Variants in KIRREL3 observed in about 807,000 individuals in gnomAD.
The protein encoded by KIRREL3 is kirre like nephrin family adhesion molecule 3.
Under a neutral mutation model 89.7 loss-of-function variants are expected in KIRREL3, and 36 were observed. The ratio of observed to expected loss-of-function variants is 0.40; its 90% confidence interval spans 0.31 to 0.53. The LOEUF (loss-of-function observed/expected upper bound fraction) is 0.53. Among genes scored for constraint, KIRREL3 ranks in the 20% least tolerant of loss-of-function variants. The probability of loss-of-function intolerance (pLI) is 0.49; values close to 1 mark genes in which losing one functional copy is unlikely to be tolerated. For synonymous variants in KIRREL3, 445 were observed against 441.4 expected (o/e 1.01, Z -0.10); for missense variants, 864 against 1,056.6 (o/e 0.82, Z 2.53).
chr11:126,509,716 C>T (rs1174835253), intron 4 of KIRREL3, among the ~76,000 whole-genome samples: 1 of 152,180 alleles, frequency 6.6e-6, no homozygotes, highest in Non-Finnish European at 1.5e-5. Flanking sequence ...TCAAATTGGG[C>T]CCAGCGTGGT....
chr11:126,787,946 A>G (rs1950529659), intron 1 of KIRREL3, among the ~76,000 whole-genome samples: 2 of 152,174 alleles, frequency 1.3e-5, no homozygotes, highest in Admixed American at 6.5e-5. Flanking sequence ...GCACTCTTCT[A>G]TTGAATCCTC....
In KIRREL3 at chr11:126,891,392, A is replaced by T. The variant is rs1314447408; in HGVS notation, c.55+109063T>A. ...ATTATCAGCAGCTCCACTTAAAAAA[A>T]TCTTCAGCTATTGTAAAGGGCAAGG... On this transcript the variant is annotated intron_variant, in intron 1 of 16. Transcript: ENST00000525144. This position sits in a 1 kb window ranked among gnomAD's most constrained non-coding sequence, Gnocchi z 5.1. 6.6e-6 allele frequency among the ~76,000 whole-genome samples: 1 copy of T among 152,252 alleles called. No individual in the cohort carries two copies. Among genetic ancestry groups the T allele is most frequent in the East Asian group, 1.9e-4 (1 of 5,202 alleles).
chr11:126,913,214 A>G lies in KIRREL3; in HGVS notation c.55+87241T>C, dbSNP rs947183069. On this transcript the variant is annotated intron_variant, in intron 1 of 16. Transcript: ENST00000525144. ...TTGCAGGTGACACAAGGTTTTCCAAATATGGTTGGGGAAGGCAGTCACTCC... is the reference window on the plus strand; with the variant it reads ...TTGCAGGTGACACAAGGTTTTCCAAGTATGGTTGGGGAAGGCAGTCACTCC... Among the ~76,000 whole-genome samples the G allele has an allele frequency of 3.3e-5, 5 of 152,288 alleles. No individual in the cohort carries two copies. The East Asian group carries it at 9.7e-4, about 29-fold the overall frequency.
rs1185506392 is a variant in KIRREL3 at position 126,776,855 on chromosome 11, T to C, written c.56-213943A>G. On this transcript the variant is annotated intron_variant, in intron 1 of 16. Coordinates refer to ENST00000525144, the MANE Select transcript of KIRREL3 (RefSeq NM_032531.4). The surrounding 1 kb of genome is among the most constrained non-coding windows in gnomAD (Gnocchi z 4.7). ...CCAGCCAGCAGTGTCCCAGCTTTCC[T>C]GGCCCTGCCTGGGGTAGTCCAAATG... Among the ~76,000 whole-genome samples, 1 of 152,204 alleles carries C rather than the reference T, an allele frequency of 6.6e-6. No homozygotes were observed. The highest frequency in any genetic ancestry group is 1.5e-5 in the Non-Finnish European group (1 of 68,036).
intron 6 of KIRREL3, among the ~76,000 whole-genome samples, chr11:126,458,455 C>G (rs946969403): frequency 9.7e-6 from 1 of 103,492 alleles, no homozygotes; most frequent in Admixed American, 8.9e-5. Context: ...ACCGAGCCGG[C>G]CTTACTCTGG....
rs1946593754 is a variant in KIRREL3 at position 126,684,510 on chromosome 11, C to A, written c.56-121598G>T. Among the ~76,000 whole-genome samples, 3 of 152,198 alleles carry A rather than the reference C, an allele frequency of 2.0e-5. No homozygotes were observed. The highest frequency in any genetic ancestry group is 2.0e-4 in the Admixed American group (3 of 15,286). On this transcript the variant is annotated intron_variant, in intron 1 of 16. Coordinates refer to ENST00000525144, the MANE Select transcript of KIRREL3 (RefSeq NM_032531.4). The surrounding 1 kb of genome is among the most constrained non-coding windows in gnomAD (Gnocchi z 4.2). ...AGGGAAACCACAGGTGTCCACAATG[C>A]CTGCCATGCTATGATTTCATCTGGC...
chr11:126,912,685 T>G lies in KIRREL3; in HGVS notation c.55+87770A>C, dbSNP rs1946872000. 6.6e-6 allele frequency among the ~76,000 whole-genome samples: 1 copy of G among 152,200 alleles called. No individual in the cohort carries two copies. Among genetic ancestry groups the G allele is most frequent in the African/African-American group, 2.4e-5 (1 of 41,462 alleles). On this transcript the variant is annotated intron_variant, in intron 1 of 16. Transcript: ENST00000525144. This position sits in a 1 kb window ranked among gnomAD's most constrained non-coding sequence, Gnocchi z 4.7. ...GGGCTCCTGCCCCTGCTGTTCATCATGTTTCTGGGGTCTTTGTTTCAAATG... is the reference window on the plus strand; with the variant it reads ...GGGCTCCTGCCCCTGCTGTTCATCAGGTTTCTGGGGTCTTTGTTTCAAATG...
upstream of KIRREL3, among the ~76,000 whole-genome samples, chr11:127,002,750 G>A (rs1445141132): frequency 6.6e-6 from 1 of 152,176 alleles, no homozygotes; most frequent in East Asian, 1.9e-4. Flanking sequence ...CCTTTAAGCT[G>A]TTGTTTAATT....
At chr11:126,632,772 G>GTATGCA (rs1944094036) in intron 1 of KIRREL3, among the ~76,000 whole-genome samples, 2 of 28,820 alleles carry the variant, frequency 6.9e-5, no homozygotes, top group Non-Finnish European at 6.9e-5. Flanking sequence ...CCAATGCCCA[G>GTATGCA]GCACTTGGAG....
chr11:126,857,690 C>A (rs1431435020), intron 1 of KIRREL3, among the ~76,000 whole-genome samples: 2 of 150,800 alleles, frequency 1.3e-5, no homozygotes, highest in South Asian at 2.1e-4. Flanking sequence ...GTCTTCCAGA[C>A]CTCAGAGTCA....
intron 1 of KIRREL3, among the ~76,000 whole-genome samples, chr11:126,599,632 C>G (rs1220605317): frequency 1.3e-5 from 2 of 152,176 alleles, no homozygotes; most frequent in African/African-American, 4.8e-5. Context: ...AGCCAAGATA[C>G]CGGGTATCCC....
At chr11:126,633,091 A>G (rs1944113587) in intron 1 of KIRREL3, among the ~76,000 whole-genome samples, 1 of 152,128 alleles carries the variant, frequency 6.6e-6, no homozygotes, top group Non-Finnish European at 1.5e-5. Flanking sequence ...AAAAAAAATA[A>G]ATAAACTTAA....
At position 126,498,482 on chromosome 11, in the gene KIRREL3, A is replaced by C. The variant is rs1957745751; in HGVS notation, c.433+22833T>G. Among the ~76,000 whole-genome samples the C allele has an allele frequency of 6.6e-6, 1 of 152,202 alleles. No individual in the cohort carries two copies. Among genetic ancestry groups the C allele is most frequent in the Admixed American group, 6.5e-5 (1 of 15,284 alleles). ...TAGGCATCACACTATCCTGTCTGTC[A>C]GGTAAGGGGTGGCAGCGAGAGATAA... is the stretch of plus-strand genomic sequence containing the variant. On this transcript the variant is annotated intron_variant, in intron 4 of 16. Coordinates refer to ENST00000525144, the MANE Select transcript of KIRREL3 (RefSeq NM_032531.4). This position sits in a 1 kb window ranked among gnomAD's most constrained non-coding sequence, Gnocchi z 4.3.
chr11:126,825,106 A>G (rs781434835), intron 1 of KIRREL3, among the ~76,000 whole-genome samples: 9 of 152,124 alleles, frequency 5.9e-5, no homozygotes, highest in East Asian at 1.9e-4. Context: ...GTGATTTCCA[A>G]TGATAAATAT....
At position 126,917,942 on chromosome 11, in the gene KIRREL3, C is replaced by T. The variant is rs1009188476; in HGVS notation, c.55+82513G>A. Among the ~76,000 whole-genome samples, 1 of 152,166 alleles carries T rather than the reference C, an allele frequency of 6.6e-6. No individual in the cohort carries two copies. Among genetic ancestry groups the T allele is most frequent in the Non-Finnish European group, 1.5e-5 (1 of 68,016 alleles). ...ACTTGGTGTGTGATGACACATCTTA[C>T]AGTGATGGAGCAGAATTTAGATGCT... is the stretch of plus-strand genomic sequence containing the variant. On this transcript the variant is annotated intron_variant, in intron 1 of 16. Transcript: ENST00000525144. The surrounding 1 kb of genome is among the most constrained non-coding windows in gnomAD (Gnocchi z 5.0).
chr11:126,520,861 T>C lies in KIRREL3; in HGVS notation c.433+454A>G, dbSNP rs543085780. Among the ~76,000 whole-genome samples the C allele has an allele frequency of 2.0e-5, 3 of 152,126 alleles. No homozygotes were observed. The highest frequency in any genetic ancestry group is 4.2e-4 in the South Asian group (2 of 4,808). On this transcript the variant is annotated intron_variant, in intron 4 of 16. Coordinates refer to ENST00000525144, the MANE Select transcript of KIRREL3 (RefSeq NM_032531.4). This position sits in a 1 kb window ranked among gnomAD's most constrained non-coding sequence, Gnocchi z 4.9. Reference sequence around the variant, plus strand: ...GGTGTCCACATGGATACTAGAATCATGGGGAGAATCGGGCTGATTCTACAG... The same window carrying C: ...GGTGTCCACATGGATACTAGAATCACGGGGAGAATCGGGCTGATTCTACAG...
chr11:126,773,675 A>ATG lies in KIRREL3; in HGVS notation c.56-210765_56-210764dup, dbSNP rs139421887. On this transcript the variant is annotated intron_variant, in intron 1 of 16. Coordinates refer to ENST00000525144, the MANE Select transcript of KIRREL3 (RefSeq NM_032531.4). The surrounding 1 kb of genome is among the most constrained non-coding windows in gnomAD (Gnocchi z 4.2). ...ATAGGAAGAACATCAAGCTGTATGTATGTGTGTGTGTGTGTGTTTGTGTGT... is the reference window on the plus strand; with the variant it reads ...ATAGGAAGAACATCAAGCTGTATGTATGTGTGTGTGTGTGTGTGTTTGTGTGT... 5.6e-3 allele frequency among the ~76,000 whole-genome samples: 842 copies of ATG among 150,876 alleles called. 9 individuals carry two copies. Among genetic ancestry groups the ATG allele is most frequent in the African/African-American group, 0.019 (766 of 41,316 alleles).
rs1193331195 is a variant in KIRREL3, at chr11:126,570,788, T to G, written c.56-7876A>C. 6.6e-6 allele frequency among the ~76,000 whole-genome samples: 1 copy of G among 152,220 alleles called. No individual in the cohort carries two copies. Among genetic ancestry groups the G allele is most frequent in the Non-Finnish European group, 1.5e-5 (1 of 68,030 alleles). On this transcript the variant is annotated intron_variant, in intron 1 of 16. Transcript: ENST00000525144. The surrounding 1 kb of genome is among the most constrained non-coding windows in gnomAD (Gnocchi z 6.1). ...CTGTGCTGCTATGTCTCAGATCCTG[T>G]GTGCCTGCAGGAAATCTACATGCCC...
chr11:126,449,573 C>T (rs1325568119), intron 7 of KIRREL3, among the ~76,000 whole-genome samples: 1 of 152,190 alleles, frequency 6.6e-6, no homozygotes, highest in Non-Finnish European at 1.5e-5. Flanking sequence ...AAGTCCATGA[C>T]CTCAGAGGCC....
Sources: gnomAD v4.1 joint callset for allele counts (sites outside exome capture counted in the v4.1 genomes callset) on GRCh38, gnomAD v4.1.1 for gene constraint, Gnocchi (gnomAD v3.1) non-coding constraint, MANE v1.5 for transcripts, NCBI Gene and HGNC (gene_info 2026-07-23, HGNC 2026-07-21) for gene names.